IFI44L: variants seen among roughly 807,000 people sequenced by gnomAD.
IFI44L encodes the protein interferon-induced protein 44-like.
A neutral mutation model predicts 39.3 loss-of-function variants in IFI44L; 40 were observed. The ratio of observed to expected loss-of-function variants is 1.02; its 90% confidence interval spans 0.79 to 1.33. The LOEUF is 1.33. Ranked by LOEUF, IFI44L falls within the 40% of genes most tolerant of loss-of-function variation. IFI44L has a pLI of 0.00. For missense variants in IFI44L, 623 were observed against 549.0 expected (o/e 1.13, Z -1.35); for synonymous variants, 198 against 182.3 (o/e 1.09, Z -0.69).
chr1:78,630,953 G>A (rs930843739), intron 4 of IFI44L, among the ~76,000 whole-genome samples: 44 of 152,098 alleles, frequency 2.9e-4, no homozygotes, highest in African/African-American at 1.0e-3. Flanking sequence ...TACAAATAAT[G>A]CTTGGTCCCA....
At position 78,642,186 on chromosome 1, in the gene IFI44L, T is replaced by C; in HGVS notation, c.*377T>C. The C allele has an allele frequency of 4.6e-6, 1 of 218,560 alleles. No homozygotes were observed. Among genetic ancestry groups the C allele is most frequent in the South Asian group, 8.0e-5 (1 of 12,492 alleles). The allele number at this position is 218,560 out of a possible 1,614,324, so 13.5% of individuals were successfully genotyped here. A position where few individuals can be genotyped will look rare whatever the true frequency, so the allele number is the denominator to read the frequency against. ...TATAGACATCTGCTTCTTAAACAGA[T>C]TGTGAGTTCTTTGAGAAACAGCGTG... On this transcript the variant is annotated 3_prime_UTR_variant, in exon 9 of 9. Transcript: ENST00000370751.
intron 7 of IFI44L, 110 bp downstream of exon 7, chr1:78,641,231 G>T: frequency 1.1e-6 from 1 of 902,196 alleles, no homozygotes; most frequent in East Asian, 2.5e-5. Flanking sequence ...TGTATTTGCA[G>T]GGAAATGAAG....
chr1:78,636,083 A>C (rs1652941417), intron 5 of IFI44L: 1 of 151,916 alleles, frequency 6.6e-6, no homozygotes, highest in South Asian at 2.1e-4. Flanking sequence ...GCCAACAATG[A>C]TTGTTACCTT....
At position 78,644,145 on chromosome 1, in the gene IFI44L, C is replaced by T. The variant is rs1446849811; in HGVS notation, c.*2336C>T. The T allele has an allele frequency of 6.6e-6, 1 of 152,090 alleles. No individual in the cohort carries two copies. The highest frequency in any genetic ancestry group is 2.4e-5 in the African/African-American group (1 of 41,420). The allele number at this position is 152,090 out of a possible 1,614,324, so 9.4% of individuals were successfully genotyped here. A position where few individuals can be genotyped will look rare whatever the true frequency, so the allele number is the denominator to read the frequency against. On this transcript the variant is annotated 3_prime_UTR_variant, in exon 9 of 9. Coordinates refer to ENST00000370751, the MANE Select transcript of IFI44L (RefSeq NM_006820.4). The stretch of plus-strand genomic sequence containing the variant: ...AAGGTGATTGAAGGTTCACCATCAT[C>T]CTCACCAACTTTTGGGCCATAATTC...
At chr1:78,633,117 G>A (rs922530149) in intron 4 of IFI44L, among the ~76,000 whole-genome samples, 2 of 152,144 alleles carry the variant, frequency 1.3e-5, no homozygotes, top group African/African-American at 2.4e-5. Flanking sequence ...ATACATTGAA[G>A]AGGGTAGGAA....
Position 78,628,992 on chromosome 1 carries a change from G to A in IFI44L, c.520G>A (p.Ala174Thr). 3 of 1,575,992 alleles carry A rather than the reference G, an allele frequency of 1.9e-6. No individual in the cohort carries two copies. Among genetic ancestry groups the A allele is most frequent in the Non-Finnish European group, 2.6e-6 (3 of 1,145,874 alleles). The change falls in exon 3 of 9, where the codon GCC (alanine) becomes ACC (threonine). Residue 174 changes from alanine to threonine, a missense_variant. By Grantham distance (58) the Ala-to-Thr change is moderately conservative. Coordinates refer to ENST00000370751, the MANE Select transcript of IFI44L (RefSeq NM_006820.4). Reference sequence around the variant, plus strand: ...AGACGACATAAAGAGGATAATTAAAGCCAGAGAGTAAGTTGGATTCTTGGG... The same window carrying A: ...AGACGACATAAAGAGGATAATTAAAACCAGAGAGTAAGTTGGATTCTTGGG... ...NLDDIKRIIK[A>T]REHRNRLLAD...
At position 78,641,584 on chromosome 1, in the gene IFI44L, A is replaced by G. The variant is rs1557691463; in HGVS notation, c.1299A>G (p.Leu433=). The G allele has an allele frequency of 3.7e-6, 6 of 1,613,532 alleles. No individual in the cohort carries two copies. The highest frequency in any genetic ancestry group is 2.2e-5 in the East Asian group (1 of 44,862). ...TGCTGCGGGCTGCAGATGATTTTTTAGAAGATTTGCCTCTTGAGGAAACTG... is the reference window on the plus strand; with the variant it reads ...TGCTGCGGGCTGCAGATGATTTTTTGGAAGATTTGCCTCTTGAGGAAACTG... The part of the protein sequence containing the change: ...RQMLRAADDF[L]EDLPLEETGA... The change falls in exon 8 of 9, where the codon TTA becomes TTG. Residue 433 remains leucine, a synonymous_variant. Transcript: ENST00000370751.
intron 6 of IFI44L, among the ~76,000 whole-genome samples, chr1:78,638,257 C>T (rs535220007): frequency 7.2e-5 from 11 of 152,114 alleles, no homozygotes; most frequent in African/African-American, 2.4e-4. Flanking sequence ...TGCCTCTTCA[C>T]GTCTTTTGAT....
chr1:78,641,174 CGTGT>C, intron 7 of IFI44L, 53 bp downstream of exon 7: 4 of 1,252,914 alleles, frequency 3.2e-6, no homozygotes, highest in Non-Finnish European at 4.7e-6. Flanking sequence ...CACAATCATA[CGTGT>C]GTGTGTTTGT....
At chr1:78,628,925 T>C in intron 2 of IFI44L, 26 bp from the exon 3 acceptor site, 1 of 1,420,812 alleles carries the variant, frequency 7.0e-7, no homozygotes, top group Non-Finnish European at 9.9e-7. Flanking sequence ...TTTAAAAATG[T>C]ATTATGCTAT....
intron 4 of IFI44L, among the ~76,000 whole-genome samples, chr1:78,634,572 C>T (rs1350547501): frequency 6.6e-6 from 1 of 151,990 alleles, no homozygotes; most frequent in Admixed American, 6.6e-5. Flanking sequence ...ACCTGTCTTA[C>T]AAGAATGTTA....
In IFI44L at chr1:78,641,118, C is replaced by T; in HGVS notation, c.1146C>T (p.Ser382=). The T allele has an allele frequency of 6.2e-7, 1 of 1,602,452 alleles. No individual in the cohort carries two copies. The highest frequency in any genetic ancestry group is 8.5e-7 in the Non-Finnish European group (1 of 1,169,938). ...TGAGTAGATCTATGACTTCTCAAAGCCGGGTAAAAAATGCTGATCATAACC... is the reference window on the plus strand; with the variant it reads ...TGAGTAGATCTATGACTTCTCAAAGTCGGGTAAAAAATGCTGATCATAACC... ...LNMSRSMTSQ[S]RVMNVHKMLG... is the part of the protein sequence containing the mutation. Residue 382 remains serine, a synonymous_variant, in exon 7 of 9, where the codon AGC becomes AGT. Coordinates refer to ENST00000370751, the MANE Select transcript of IFI44L (RefSeq NM_006820.4).
Position 78,642,138 on chromosome 1 carries a change from G to C in IFI44L, c.*329G>C. 3.0e-6 allele frequency: 1 copy of C among 330,968 alleles called. No homozygotes were observed. Among genetic ancestry groups the C allele is most frequent in the East Asian group, 6.3e-5 (1 of 15,992 alleles). The allele number at this position is 330,968 out of a possible 1,614,324, so 20.5% of individuals were successfully genotyped here. A position where few individuals can be genotyped will look rare whatever the true frequency, so the allele number is the denominator to read the frequency against. ...GAGCTATGTGAGTACTAATCACATT[G>C]AATAATAGTTATAAAATTATTGTAT... is the stretch of plus-strand genomic sequence containing the variant. On this transcript the variant is annotated 3_prime_UTR_variant, in exon 9 of 9. Transcript: ENST00000370751.
chr1:78,628,944 C>T lies in IFI44L; in HGVS notation c.479-7C>T. 6.5e-7 allele frequency: 1 copy of T among 1,528,762 alleles called. No homozygotes were observed. The highest frequency in any genetic ancestry group is 1.7e-5 in the Admixed American group (1 of 57,856). 94.7% of individuals were successfully genotyped at this position (1,528,762 alleles called of 1,614,324 possible). Reference sequence around the variant, plus strand: ...AAAATGTATTATGCTATGTTTATTTCCTATAGGAATTAAGGATAACCTAGA... The same window carrying T: ...AAAATGTATTATGCTATGTTTATTTTCTATAGGAATTAAGGATAACCTAGA... On this transcript the variant is annotated splice_polypyrimidine_tract_variant and splice_region_variant and intron_variant, in intron 2 of 8. Transcript: ENST00000370751.
chr1:78,635,390 G>T lies in IFI44L; in HGVS notation c.777G>T (p.Met259Ile). The change falls in exon 5 of 9, where the codon ATG (methionine) becomes ATT (isoleucine). Residue 259 changes from methionine (M) to isoleucine (I), a missense_variant. By Grantham distance (10) the Met-to-Ile change is conservative. Transcript: ENST00000370751. ...DGKNGKSLPF[M>I]LCDTMGLDGA... Reference sequence around the variant, plus strand: ...AAAATGGAAAATCTCTGCCATTTATGTTGTGTGACACTATGGGGCTAGATG... The same window carrying T: ...AAAATGGAAAATCTCTGCCATTTATTTTGTGTGACACTATGGGGCTAGATG... The T allele has an allele frequency of 2.5e-6, 4 of 1,612,614 alleles. No individual in the cohort carries two copies. Among genetic ancestry groups the T allele is most frequent in the South Asian group, 1.1e-5 (1 of 91,030 alleles).
chr1:78,633,308 CTGT>C (rs1652823658), intron 4 of IFI44L, among the ~76,000 whole-genome samples: 1 of 152,138 alleles, frequency 6.6e-6, no homozygotes, highest in South Asian at 2.1e-4. Context: ...AGACTTTAGG[CTGT>C]TATTTGACGG....
intron 2 of IFI44L, 129 bp downstream of exon 2, chr1:78,628,522 A>C: frequency 1.5e-6 from 1 of 656,802 alleles, no homozygotes; most frequent in Non-Finnish European, 2.6e-6. Flanking sequence ...CTCTTTGATA[A>C]ATTCTGAAAT....
rs1365716104 is a variant in IFI44L at position 78,643,557 on chromosome 1, G to C, written c.*1748G>C. 1 of 151,902 alleles carries C rather than the reference G, an allele frequency of 6.6e-6. No homozygotes were observed. The highest frequency in any genetic ancestry group is 6.6e-5 in the Admixed American group (1 of 15,236). 9.4% of individuals were successfully genotyped at this position (151,902 alleles called of 1,614,324 possible). A position where few individuals can be genotyped will look rare whatever the true frequency, so the allele number is the denominator to read the frequency against. ...GCAGGTAAGGTGCTGAAGGTCTGGA[G>C]CTGCTGATTTGTTGGGGTATAGGGA... is the stretch of plus-strand genomic sequence containing the variant. On this transcript the variant is annotated 3_prime_UTR_variant, in exon 9 of 9. Coordinates refer to ENST00000370751, the MANE Select transcript of IFI44L (RefSeq NM_006820.4).
At position 78,637,217 on chromosome 1, in the gene IFI44L, A is replaced by G. The variant is rs748578211; in HGVS notation, c.1048+14A>G. The G allele has an allele frequency of 4.5e-6, 7 of 1,564,564 alleles. No individual in the cohort carries two copies. The highest frequency in any genetic ancestry group is 1.2e-5 in the South Asian group (1 of 84,512). Reference sequence around the variant, plus strand: ...TATTAAACTGTGGTGAGTCTCACTGAACTTATAAAAAAATTTACTTTGAAA... The same window carrying G: ...TATTAAACTGTGGTGAGTCTCACTGGACTTATAAAAAAATTTACTTTGAAA... On this transcript the variant is annotated intron_variant, in intron 6 of 8. Transcript: ENST00000370751.
Sources: allele counts gnomAD v4.1 joint callset (sites outside exome capture counted in the v4.1 genomes callset), GRCh38; gene constraint gnomAD v4.1.1; transcripts MANE v1.5; gene names NCBI Gene and HGNC (gene_info 2026-07-23, HGNC 2026-07-21).